TSHZ3: variants seen among roughly 807,000 people sequenced by gnomAD.
TSHZ3 encodes teashirt zinc finger homeobox 3, also known as teashirt homolog 3.
In TSHZ3, 10 loss-of-function variants were observed where a neutral mutation model predicts 64.5. The ratio of observed to expected loss-of-function variants is 0.16; its 90% CI spans 0.10 to 0.26. TSHZ3 has a LOEUF of 0.26. Ranked by LOEUF, TSHZ3 falls within the 10% of genes least tolerant of loss-of-function variation. The pLI is 1.00. For missense variants in TSHZ3, 1,242 were observed against 1,421.7 expected (o/e 0.87, Z 2.03); for synonymous variants, 608 against 593.1 (o/e 1.03, Z -0.36).
rs74372621 is a variant in TSHZ3 at position 31,297,295 on chromosome 19, C to T, written c.41-17543G>A. 4.6e-5 allele frequency among the ~76,000 whole-genome samples: 7 copies of T among 152,286 alleles called. No homozygotes were observed. In the East Asian group the frequency reaches 1.4e-3, roughly 29 times the overall value. On this transcript the variant is annotated intron_variant, in intron 1 of 1. Transcript: ENST00000240587. ...CCTGTGGTGGACTACTCGGGGTAGG[C>T]GTCTGTGTGGCAGGCAGGACAATGG...
intron 3 of TSHZ3, among the ~76,000 whole-genome samples, chr19:31,228,524 TAAA>T (rs5827760): frequency 1.5e-5 from 2 of 131,088 alleles, no homozygotes; most frequent in African/African-American, 2.9e-5. Flanking sequence ...AAACCCTGTC[TAAA>T]AAAAAAAAAA....
intron 1 of TSHZ3, among the ~76,000 whole-genome samples, chr19:31,342,723 T>G (rs1028759636): frequency 3.9e-5 from 6 of 152,242 alleles, no homozygotes; most frequent in Non-Finnish European, 7.3e-5. Context: ...CAAACAGCCC[T>G]TTGCTCTCCA....
chr19:31,232,723 C>A (rs888856695), intron 3 of TSHZ3, among the ~76,000 whole-genome samples: 3 of 152,176 alleles, frequency 2.0e-5, no homozygotes, highest in African/African-American at 7.2e-5. Context: ...CATCCTACCC[C>A]CTGCTCCAGT....
intron 6 of TSHZ3, among the ~76,000 whole-genome samples, chr19:31,155,130 C>T (rs1329264406): frequency 2.0e-5 from 3 of 152,202 alleles, no homozygotes; most frequent in African/African-American, 7.2e-5. Flanking sequence ...GCTAGCGAAC[C>T]AATCACCTGC....
At chr19:31,223,336 A>G (rs1383398749) in intron 4 of TSHZ3, among the ~76,000 whole-genome samples, 1 of 151,048 alleles carries the variant, frequency 6.6e-6, no homozygotes, top group East Asian at 1.9e-4. Context: ...AGGTCTGTGA[A>G]TGATGGACTC....
At chr19:31,257,675 C>G (rs1222490365) in intron 1 of TSHZ3, among the ~76,000 whole-genome samples, 1 of 151,808 alleles carries the variant, frequency 6.6e-6, no homozygotes, top group Non-Finnish European at 1.5e-5. Context: ...GCCGGCTGCA[C>G]GGGACTATGC....
chr19:31,308,705 CTT>C (rs2145151285), intron 1 of TSHZ3: 1 of 398,726 alleles, frequency 2.5e-6, no homozygotes. Flanking sequence ...AATTGATGCT[CTT>C]GTCTGGAAAG....
intron 5 of TSHZ3, among the ~76,000 whole-genome samples, chr19:31,194,684 G>A (rs182274255): frequency 6.6e-6 from 1 of 152,264 alleles, no homozygotes; most frequent in Admixed American, 6.5e-5. Context: ...CAAGAGAAAA[G>A]TACAAGGCAT....
At chr19:31,257,337 T>G (rs1160201528) in intron 1 of TSHZ3, among the ~76,000 whole-genome samples, 1 of 152,166 alleles carries the variant, frequency 6.6e-6, no homozygotes, top group Non-Finnish European at 1.5e-5. Context: ...CGACTCTCAT[T>G]CCCTTTGGTG....
At chr19:31,315,984 G>T (rs1438560624) in intron 1 of TSHZ3, among the ~76,000 whole-genome samples, 1 of 152,058 alleles carries the variant, frequency 6.6e-6, no homozygotes, top group Non-Finnish European at 1.5e-5. Context: ...TACCCATTCA[G>T]CACTAATCAA....
chr19:31,201,436 G>T (rs1398716064), intron 5 of TSHZ3, among the ~76,000 whole-genome samples: 1 of 152,142 alleles, frequency 6.6e-6, no homozygotes, highest in Non-Finnish European at 1.5e-5. Flanking sequence ...ATGTCATATT[G>T]CTAAAAAAAA....
At chr19:31,255,011 G>C (rs1434160519) in intron 1 of TSHZ3, among the ~76,000 whole-genome samples, 1 of 152,166 alleles carries the variant, frequency 6.6e-6, no homozygotes, top group Admixed American at 6.5e-5. Flanking sequence ...AATGAACTTT[G>C]CCCAACATCC....
intron 1 of TSHZ3, among the ~76,000 whole-genome samples, chr19:31,257,161 T>C (rs557110755): frequency 6.6e-6 from 1 of 151,962 alleles, no homozygotes; most frequent in Non-Finnish European, 1.5e-5. Context: ...TTAGAGAGAA[T>C]GGACATTGTA....
Position 31,279,200 on chromosome 19 carries a change from C to A in TSHZ3, c.593G>T (p.Arg198Leu). 6.2e-7 allele frequency: 1 copy of A among 1,613,928 alleles called. No homozygotes were observed. The highest frequency in any genetic ancestry group is 8.5e-7 in the Non-Finnish European group (1 of 1,179,846). ...PSLFSTVQLY[R>L]QSSKLYGSIF... The stretch of plus-strand genomic sequence containing the variant: ...GGAGCCATAGAGCTTGCTGCTCTGC[C>A]GGTACAGCTGCACGGTGCTGAAGAG... The change falls in exon 2 of 2, where the codon CGG becomes CTG. Residue 198 changes from arginine (R) to leucine (L), a missense_variant. Physicochemically the swap from Arg to Leu is moderately radical, Grantham distance 102. This residue lies in a region of TSHZ3 where 555 missense variants were observed against 704.0 expected (regional missense o/e 0.79). Transcript: ENST00000240587. This position sits in a 1 kb window ranked among gnomAD's most constrained non-coding sequence, Gnocchi z 6.4.
Position 31,277,545 on chromosome 19 carries a change from G to C in TSHZ3, c.2248C>G (p.Leu750Val). ...GCCAGGCTGTTGCTCATCTTGAAAA[G>C]CATGCTCATGGGGTCCAGGGCAGGC... ...SLPALDPMSM[L>V]FKMSNSLAEK... Residue 750 changes from leucine to valine, a missense_variant, in exon 2 of 2, where the codon CTT (leucine) becomes GTT (valine). Coordinates refer to ENST00000240587, the MANE Select transcript of TSHZ3 (RefSeq NM_020856.4). The surrounding 1 kb of genome is among the most constrained non-coding windows in gnomAD (Gnocchi z 4.5). 6.2e-7 allele frequency: 1 copy of C among 1,601,084 alleles called. No individual in the cohort carries two copies. Among genetic ancestry groups the C allele is most frequent in the Non-Finnish European group, 8.5e-7 (1 of 1,172,458 alleles).
intron 3 of TSHZ3, among the ~76,000 whole-genome samples, chr19:31,241,981 C>G (rs919351410): frequency 6.6e-6 from 1 of 152,204 alleles, no homozygotes; most frequent in African/African-American, 2.4e-5. Context: ...ACCATCTTCA[C>G]TTGATGCCTA....
intron 4 of TSHZ3, among the ~76,000 whole-genome samples, chr19:31,208,385 C>T (rs1355541534): frequency 6.6e-6 from 1 of 152,150 alleles, no homozygotes; most frequent in Admixed American, 6.5e-5. Context: ...GAAAGAGAGT[C>T]CAATTGGCCG....
chr19:31,348,993 C>T (rs1224488587), intron 1 of TSHZ3, 187 bp downstream of exon 1: 1 of 682,916 alleles, frequency 1.5e-6, no homozygotes, highest in Non-Finnish European at 2.3e-6. Flanking sequence ...GGGCAGAGCG[C>T]GGCGGGGCGT....
Position 31,278,793 on chromosome 19 carries a change from G to T in TSHZ3, c.1000C>A (p.Pro334Thr). Residue 334 changes from proline to threonine, a missense_variant, in exon 2 of 2, where the codon CCA (proline) becomes ACA (threonine). Coordinates refer to ENST00000240587, the MANE Select transcript of TSHZ3 (RefSeq NM_020856.4). The surrounding 1 kb of genome is among the most constrained non-coding windows in gnomAD (Gnocchi z 4.7). ...ASLELELPSS[P>T]DSTGGTPKAT... ...TTGGGGGTTCCACCTGTGGAATCTG[G>T]GGAGCTGGGGAGCTCCAGCTCCAGG... The T allele has an allele frequency of 6.2e-7, 1 of 1,614,142 alleles. No individual in the cohort carries two copies. The highest frequency in any genetic ancestry group is 1.3e-5 in the African/African-American group (1 of 75,036).
Sources: gnomAD v4.1 joint callset for allele counts (sites outside exome capture counted in the v4.1 genomes callset) on GRCh38, gnomAD v4.1.1 for gene constraint, gnomAD v4.1.1 regional missense constraint, Gnocchi (gnomAD v3.1) non-coding constraint, MANE v1.5 for transcripts, NCBI Gene and HGNC (gene_info 2026-07-23, HGNC 2026-07-21) for gene names.